TNKS: variants seen among roughly 807,000 people sequenced by gnomAD.
TNKS encodes poly [ADP-ribose] polymerase tankyrase-1.
TNKS carries 72 observed loss-of-function variants against 135.8 expected under a neutral mutation model. That is an observed-to-expected ratio of 0.53 (90% CI 0.44 to 0.64). TNKS has a LOEUF of 0.64. Among genes scored for constraint, TNKS ranks in the 30% least tolerant of loss-of-function variants. The pLI is 0.00. For missense variants in TNKS, 1,769 were observed against 1,674.0 expected (o/e 1.06, Z -0.99); for synonymous variants, 849 against 649.3 (o/e 1.31, Z -4.68).
In TNKS at chr8:9,706,910, C is replaced by A; in HGVS notation, c.1369C>A (p.His457Asn). 1 of 1,614,064 alleles carries A rather than the reference C, an allele frequency of 6.2e-7. No individual in the cohort carries two copies. The highest frequency in any genetic ancestry group is 1.1e-5 in the South Asian group (1 of 91,058). The change falls in exon 8 of 27, where the codon CAT becomes AAT. Residue 457 changes from histidine (H) to asparagine (N), a missense_variant. His to Asn is a moderately conservative substitution (Grantham distance 68). Around this residue, in one of 5 missense-constraint regions of TNKS, gnomAD observed 523 missense variants for 541.0 expected, o/e 0.97. Transcript: ENST00000310430. ...AGAAGTCTGCTCTTTGTTACTTAGC[C>A]ATGGCGCTGATCCTACATTAGTCAA... ...RVEVCSLLLSHGADPTLVNCH... is the reference protein window; with the variant it reads ...RVEVCSLLLSNGADPTLVNCH...
chr8:9,643,711 G>A (rs118054590), intron 3 of TNKS, among the ~76,000 whole-genome samples: 4,514 of 152,218 alleles, frequency 0.03, 104 homozygotes, highest in Non-Finnish European at 0.043. Flanking sequence ...AAACAGTATG[G>A]AGACTCCTCA....
intron 11 of TNKS, 90 bp from the exon 12 acceptor site, chr8:9,720,284 A>ATTTTTTT: frequency 8.7e-7 from 1 of 1,154,948 alleles, no homozygotes; most frequent in Non-Finnish European, 1.2e-6. Context: ...TTGAAAGTTG[A>ATTTTTTT]TTTTTTTTTC....
At chr8:9,557,341 G>C (rs1338806512) in intron 1 of TNKS, 1 of 151,184 alleles carries the variant, frequency 6.6e-6, no homozygotes, top group African/African-American at 2.4e-5. Flanking sequence ...GAAGTATCTG[G>C]CACAAAGTTC....
At chr8:9,692,606 T>C (rs1377462656) in intron 5 of TNKS, among the ~76,000 whole-genome samples, 1 of 152,084 alleles carries the variant, frequency 6.6e-6, no homozygotes, top group Non-Finnish European at 1.5e-5. Context: ...AGAGAAAGAC[T>C]CGTAATGGGA....
chr8:9,678,478 A>T (rs1356088589), intron 3 of TNKS, among the ~76,000 whole-genome samples: 1 of 152,242 alleles, frequency 6.6e-6, no homozygotes, highest in Non-Finnish European at 1.5e-5. Context: ...CCATGAAATC[A>T]TATATTCTAG....
chr8:9,583,506 T>A lies in TNKS; in HGVS notation c.898+3123T>A, dbSNP rs185017701. On this transcript the variant is annotated intron_variant, in intron 2 of 26. Coordinates refer to ENST00000310430, the MANE Select transcript of TNKS (RefSeq NM_003747.3). ...GCTATATGATTTTTTTTTTCCTTTTTTGAGACAGAGTCTTGCTCTGTCACC... is the reference window on the plus strand; with the variant it reads ...GCTATATGATTTTTTTTTTCCTTTTATGAGACAGAGTCTTGCTCTGTCACC... Among the ~76,000 whole-genome samples, 142 of 152,206 alleles carry A rather than the reference T, an allele frequency of 9.3e-4. 2 individuals carry two copies. The highest frequency in any genetic ancestry group is 7.6e-3 in the Admixed American group (116 of 15,296).
chr8:9,566,494 A>G (rs1429493937), intron 1 of TNKS: 3 of 151,842 alleles, frequency 2.0e-5, no homozygotes, highest in African/African-American at 7.3e-5. Context: ...GTGCTCTGTA[A>G]GTATTTGAAC....
intron 17 of TNKS, among the ~76,000 whole-genome samples, chr8:9,739,035 A>G (rs959053031): frequency 6.6e-6 from 1 of 151,744 alleles, no homozygotes; most frequent in Non-Finnish European, 1.5e-5. Context: ...AATGGCAACA[A>G]AAGACAAAAT....
chr8:9,587,170 G>C (rs970578181), intron 2 of TNKS, among the ~76,000 whole-genome samples: 1 of 151,944 alleles, frequency 6.6e-6, no homozygotes, highest in African/African-American at 2.4e-5. Context: ...GGATTGTCTT[G>C]GTGGACCCAA....
chr8:9,759,891 C>T (rs937262063), intron 20 of TNKS, among the ~76,000 whole-genome samples: 22 of 151,944 alleles, frequency 1.4e-4, no homozygotes, highest in East Asian at 3.9e-4. Context: ...AAGAGAATGG[C>T]GTGAACCCAG....
At chr8:9,755,779 C>G (rs1295395565) in intron 20 of TNKS, among the ~76,000 whole-genome samples, 2 of 152,128 alleles carry the variant, frequency 1.3e-5, no homozygotes, top group Admixed American at 6.5e-5. Context: ...GCCTGTGTTC[C>G]TACTCATGGA....
At chr8:9,593,761 T>C (rs1381277194) in intron 2 of TNKS, among the ~76,000 whole-genome samples, 2 of 152,184 alleles carry the variant, frequency 1.3e-5, no homozygotes, top group African/African-American at 2.4e-5. Flanking sequence ...TGTCCTTTGA[T>C]GAAGTTAACA....
chr8:9,773,050 A>C (rs1808026115), intron 26 of TNKS, among the ~76,000 whole-genome samples: 1 of 151,874 alleles, frequency 6.6e-6, no homozygotes, highest in Non-Finnish European at 1.5e-5. Context: ...AAAAGTTTAC[A>C]AAAAGGAAGG....
intron 5 of TNKS, among the ~76,000 whole-genome samples, chr8:9,697,638 A>G (rs1803580411): frequency 6.6e-6 from 1 of 152,222 alleles, no homozygotes; most frequent in African/African-American, 2.4e-5. Flanking sequence ...ACATGAACAG[A>G]CATTTTTCAA....
chr8:9,738,703 A>T, intron 17 of TNKS, among the ~76,000 whole-genome samples: 1 of 63,742 alleles, frequency 1.6e-5, no homozygotes, highest in Non-Finnish European at 3.1e-5. Flanking sequence ...CATGTAGTTG[A>T]GCGGCTTTGA....
chr8:9,655,389 G>A (rs182860334), intron 3 of TNKS, among the ~76,000 whole-genome samples: 357 of 152,344 alleles, frequency 2.3e-3, no homozygotes, highest in African/African-American at 8.2e-3. Context: ...GCTTTGAAGA[G>A]AGTAGTGGTT....
At position 9,724,733 on chromosome 8, in the gene TNKS, A is replaced by G. The variant is rs535105583; in HGVS notation, c.1922-1908A>G. ...ATAGTAATTAACCAATATTTTAAAC[A>G]TCTTTACTTTCTCCTCTTTAACCAG... On this transcript the variant is annotated intron_variant, in intron 12 of 26. Transcript: ENST00000310430. Among the ~76,000 whole-genome samples the G allele has an allele frequency of 1.1e-3, 160 of 152,294 alleles. 1 individual carries two copies. Among genetic ancestry groups the G allele is most frequent in the South Asian group, 6.4e-3 (31 of 4,832 alleles).
intron 3 of TNKS, among the ~76,000 whole-genome samples, chr8:9,667,837 G>C (rs1802070464): frequency 1.9e-5 from 2 of 103,226 alleles, no homozygotes; most frequent in South Asian, 7.2e-4. Flanking sequence ...AAGCCCTTCT[G>C]GGTTTTTTTT....
chr8:9,776,747 C>A lies in TNKS; in HGVS notation c.*11C>A. 6.2e-7 allele frequency: 1 copy of A among 1,612,798 alleles called. No individual in the cohort carries two copies. Among genetic ancestry groups the A allele is most frequent in the African/African-American group, 1.3e-5 (1 of 75,028 alleles). ...GAGCAGAAGACCTAGTGAATGCCTG[C>A]TGGTGAAGGCCAGATCAGATTTCAA... is the stretch of plus-strand genomic sequence containing the variant. On this transcript the variant is annotated 3_prime_UTR_variant, in exon 27 of 27. Transcript: ENST00000310430.
Sources: allele counts gnomAD v4.1 joint callset (sites outside exome capture counted in the v4.1 genomes callset), GRCh38; gene constraint gnomAD v4.1.1; regional missense constraint gnomAD v4.1.1; transcripts MANE v1.5; gene names NCBI Gene and HGNC (gene_info 2026-07-23, HGNC 2026-07-21).